Variants in STRA6 observed in about 807,000 individuals in gnomAD.
The protein encoded by STRA6 is signaling receptor and transporter of retinol STRA6, also known as receptor for retinol uptake STRA6.
Under a neutral mutation model 83.6 loss-of-function variants are expected in STRA6, and 48 were observed. That is an observed-to-expected ratio of 0.57 (90% CI 0.46 to 0.73). STRA6 has a LOEUF of 0.73. Ranked by LOEUF, STRA6 falls within the 30% of genes least tolerant of loss-of-function variation. STRA6 has a pLI of 0.00. For synonymous variants in STRA6, 353 were observed against 362.3 expected (o/e 0.97, Z 0.29); for missense variants, 760 against 838.8 (o/e 0.91, Z 1.16).
upstream of STRA6, chr15:74,209,093 C>A (rs2074327483): frequency 1.5e-6 from 2 of 1,290,484 alleles, no homozygotes; most frequent in African/African-American, 1.5e-5. Flanking sequence ...CCTGCCCTCA[C>A]AGACCTCCCG....
Position 74,189,099 on chromosome 15 carries a change from T to C in STRA6, c.1090+16A>G, listed in dbSNP as rs777037228. ...ATTCCCCACTGCAGCCCTCAGGGGC[T>C]CCCTGGAGGCCTCACCTTCCAGAGC... On this transcript the variant is annotated intron_variant, in intron 12 of 18. Coordinates refer to ENST00000395105, the MANE Select transcript of STRA6 (RefSeq NM_022369.4). The C allele has an allele frequency of 3.7e-6, 6 of 1,613,542 alleles. No individual in the cohort carries two copies. In the Admixed American group the frequency reaches 8.3e-5, roughly 22 times the overall value.
At chr15:74,185,503 C>T (rs115894020) in intron 12 of STRA6, among the ~76,000 whole-genome samples, 3 of 152,354 alleles carry the variant, frequency 2.0e-5, no homozygotes, top group African/African-American at 7.2e-5. Flanking sequence ...GCCCCATCCA[C>T]GTCTGCACTA....
intron 2 of STRA6, among the ~76,000 whole-genome samples, chr15:74,201,487 C>T (rs368436756): frequency 7.2e-5 from 11 of 152,134 alleles, no homozygotes; most frequent in African/African-American, 2.7e-4. Flanking sequence ...CAGACTAAAC[C>T]CCGGTAGAAT....
At chr15:74,202,129 G>A in intron 2 of STRA6, 26 bp downstream of exon 2, 1 of 1,461,480 alleles carries the variant, frequency 6.8e-7, no homozygotes. Flanking sequence ...GGCTGACAGA[G>A]TGAGGTGGGG....
intron 18 of STRA6, 99 bp downstream of exon 18, chr15:74,180,683 T>A: frequency 6.7e-7 from 1 of 1,496,988 alleles, no homozygotes; most frequent in Non-Finnish European, 8.9e-7. Context: ...GAAGTGAGAA[T>A]TTTCCTGGCG....
rs116701726 is a variant in STRA6 at position 74,196,081 on chromosome 15, C to T, written c.333G>A (p.Leu111=). The T allele has an allele frequency of 9.4e-5, 152 of 1,614,030 alleles. No individual in the cohort carries two copies. The African/African-American group carries it at 1.8e-3, about 19-fold the overall frequency. ...AVPAAVFMVL[L]SSLCLLLPDE... ...CGGGGAGCAGCAAACACAGGGAGCT[C>T]AGGAGGACCATGAAAACAGCAGCAG... is the stretch of plus-strand genomic sequence containing the variant. The change falls in exon 5 of 19, where the codon CTG becomes CTA. Residue 111 remains leucine, a synonymous_variant. Transcript: ENST00000395105.
At chr15:74,184,402 A>G (rs1008857826) in intron 13 of STRA6, among the ~76,000 whole-genome samples, 1 of 152,222 alleles carries the variant, frequency 6.6e-6, no homozygotes, top group Non-Finnish European at 1.5e-5. Flanking sequence ...GCAAGTGCGC[A>G]GGAGACATGG....
chr15:74,197,497 T>A, intron 3 of STRA6, 74 bp from the exon 4 acceptor site: 1 of 1,325,596 alleles, frequency 7.5e-7, no homozygotes, highest in Non-Finnish European at 1.1e-6. Flanking sequence ...GGGCTTGGAC[T>A]CAGGCCCCAG....
exon 1 of STRA6, chr15:74,208,912 C>G: frequency 1.0e-6 from 1 of 991,114 alleles, no homozygotes; most frequent in Non-Finnish European, 1.2e-6. Context: ...AACACGGGGC[C>G]TTCTCCTCTG....
chr15:74,187,961 C>T (rs929815367), intron 12 of STRA6, among the ~76,000 whole-genome samples: 36 of 152,184 alleles, frequency 2.4e-4, no homozygotes, highest in Admixed American at 1.4e-3. Flanking sequence ...GTGGGCTGAC[C>T]TGGACCATGT....
chr15:74,203,222 A>T, upstream of STRA6: 1 of 985,210 alleles, frequency 1.0e-6, no homozygotes, highest in Non-Finnish European at 1.2e-6. Flanking sequence ...TTTTGTTCCT[A>T]CAAGTTGATT....
chr15:74,194,362 G>A, intron 7 of STRA6: 2 of 1,066,428 alleles, frequency 1.9e-6, no homozygotes, highest in Non-Finnish European at 2.3e-6. Context: ...CCTGGGGGTG[G>A]GCTTTTTGTA....
chr15:74,191,484 T>C lies in STRA6; in HGVS notation c.728A>G (p.Gln243Arg), dbSNP rs772266455. The change falls in exon 9 of 19, where the codon CAG becomes CGG. Residue 243 changes from glutamine (Q) to arginine (R), a missense_variant. Coordinates refer to ENST00000395105, the MANE Select transcript of STRA6 (RefSeq NM_022369.4). ...RRTGAGSKGL[Q>R]SSYSEEYLRN... ...CAGATATTCCTCAGAGTAGCTGCTC[T>C]GCAGCCCCTGTGGAGACAGACAATT... 3.7e-6 allele frequency: 6 copies of C among 1,614,040 alleles called. No homozygotes were observed. Among genetic ancestry groups the C allele is most frequent in the African/African-American group, 1.3e-5 (1 of 74,940 alleles).
chr15:74,199,077 G>A (rs886137879), intron 2 of STRA6, among the ~76,000 whole-genome samples: 4 of 152,246 alleles, frequency 2.6e-5, no homozygotes, highest in African/African-American at 4.8e-5. Flanking sequence ...GGTGAGGCCA[G>A]TGGGGTCTGG....
At chr15:74,192,760 TCCTGAGTCTGTTCTTCTTTCC>T in intron 8 of STRA6, among the ~76,000 whole-genome samples, 1 of 152,328 alleles carries the variant, frequency 6.6e-6, no homozygotes, top group Non-Finnish European at 1.5e-5. Flanking sequence ...TAAGACTTTC[TCCTGAGTCTGTTCTTCTTTCC>T]CCTTTGAGGG....
In STRA6 at chr15:74,189,178, C is replaced by A. The variant is rs575928531; in HGVS notation, c.1027G>T (p.Val343Leu). The A allele has an allele frequency of 8.1e-6, 13 of 1,614,098 alleles. No individual in the cohort carries two copies. In the Admixed American group the frequency reaches 2.2e-4, roughly 27 times the overall value. Residue 343 changes from valine to leucine, a missense_variant, in exon 12 of 19, where the codon GTG becomes TTG. Val to Leu is a conservative substitution (Grantham distance 32, BLOSUM62 1). Coordinates refer to ENST00000395105, the MANE Select transcript of STRA6 (RefSeq NM_022369.4). ...VSYLLAGFGI[V>L]LSEDKQEVVE... is the part of the protein sequence containing the mutation. ...ACCTCCTGCTTGTCCTCGGAGAGCA[C>A]GATTCCAAAGCCGGCCAGCAGGTAG... is the stretch of plus-strand genomic sequence containing the variant.
At chr15:74,207,974 T>G in intron 1 of STRA6, 1 of 1,426,156 alleles carries the variant, frequency 7.0e-7, no homozygotes, top group Non-Finnish European at 9.2e-7. Flanking sequence ...TCCCCTGCCA[T>G]GTGGGAGGGT....
At chr15:74,197,966 C>A in intron 2 of STRA6, 148 bp from the exon 3 acceptor site, 1 of 820,552 alleles carries the variant, frequency 1.2e-6, no homozygotes, top group South Asian at 1.5e-5. Flanking sequence ...TTCCCAGTCC[C>A]ACCTTCTCAG....
At chr15:74,207,738 CGA>C (rs2074293224), upstream of STRA6, 4 of 1,535,616 alleles carry the variant, frequency 2.6e-6, no homozygotes, top group South Asian at 1.2e-5. Flanking sequence ...AATAAGCAGC[CGA>C]GAGAGTCAAC....
Sources: gnomAD v4.1 joint callset for allele counts (sites outside exome capture counted in the v4.1 genomes callset) on GRCh38, gnomAD v4.1.1 for gene constraint, MANE v1.5 for transcripts, NCBI Gene and HGNC (gene_info 2026-07-23, HGNC 2026-07-21) for gene names.